The following GRID2 variants were observed in gnomAD, a reference collection of about 807,000 sequenced individuals.
GRID2 encodes glutamate receptor ionotropic, delta-2.
Under a neutral mutation model 114.8 loss-of-function variants are expected in GRID2, and 33 were observed. That is an observed-to-expected ratio of 0.29 (90% CI 0.22 to 0.38). The LOEUF (loss-of-function observed/expected upper bound fraction) is 0.38. Among genes scored for constraint, GRID2 ranks in the 10% least tolerant of loss-of-function variants. GRID2 has a pLI of 1.00. For missense variants in GRID2, 1,184 were observed against 1,257.7 expected, an observed-to-expected ratio of 0.94 and a Z score of 0.89; for synonymous variants, 505 against 449.9, an observed-to-expected ratio of 1.12 and a Z score of -1.55.
chr4:93,033,618 G>A (rs571961709), intron 2 of GRID2, among the ~76,000 whole-genome samples: 1 of 152,062 alleles, frequency 6.6e-6, no homozygotes, highest in South Asian at 2.1e-4. Context: ...TGGTCTTTCT[G>A]GCATGGTCAA....
chr4:93,450,190 A>G (rs572368470), intron 10 of GRID2, among the ~76,000 whole-genome samples: 1 of 151,988 alleles, frequency 6.6e-6, no homozygotes, highest in African/African-American at 2.4e-5. Flanking sequence ...AGAAAATCAT[A>G]TCTTTGGAAA....
chr4:92,986,687 C>T (rs1293010001), intron 2 of GRID2, among the ~76,000 whole-genome samples: 1 of 152,068 alleles, frequency 6.6e-6, no homozygotes, highest in South Asian at 2.1e-4. Context: ...TGCAACTTTC[C>T]TGTAAGTCTA....
chr4:93,361,050 C>G (rs1761836099), intron 8 of GRID2, among the ~76,000 whole-genome samples: 3 of 151,860 alleles, frequency 2.0e-5, no homozygotes, highest in African/African-American at 7.2e-5. Flanking sequence ...CATTGCTATA[C>G]TGGCTTCTTT....
At chr4:92,638,810 A>C (rs561314577) in intron 2 of GRID2, among the ~76,000 whole-genome samples, 1 of 150,952 alleles carries the variant, frequency 6.6e-6, no homozygotes, top group African/African-American at 2.4e-5. Flanking sequence ...GTCTTTGAAA[A>C]TTTAATATTT....
intron 13 of GRID2, among the ~76,000 whole-genome samples, chr4:93,610,814 T>A (rs1416465629): frequency 8.6e-6 from 1 of 116,314 alleles, no homozygotes; most frequent in Non-Finnish European, 1.7e-5. Flanking sequence ...GGTATCAGAA[T>A]GATGCTGGCC....
chr4:93,311,147 A>C (rs892499511), intron 8 of GRID2, among the ~76,000 whole-genome samples: 2 of 152,198 alleles, frequency 1.3e-5, no homozygotes, highest in Non-Finnish European at 2.9e-5. Flanking sequence ...AAAGCCAGAC[A>C]CAAGAATCAA....
intron 2 of GRID2, among the ~76,000 whole-genome samples, chr4:93,076,918 C>T (rs1729379024): frequency 1.3e-5 from 2 of 152,020 alleles, no homozygotes; most frequent in African/African-American, 4.8e-5. Context: ...AGGATTTTTG[C>T]CTAAGATCCC....
At chr4:93,584,634 TTTAACATAAGCTC>T (rs1737353637) in intron 13 of GRID2, among the ~76,000 whole-genome samples, 2 of 152,124 alleles carry the variant, frequency 1.3e-5, no homozygotes, top group African/African-American at 4.8e-5. Flanking sequence ...AGAAATGGAA[TTTAACATAAGCTC>T]TTAATATAAG....
intron 1 of GRID2, among the ~76,000 whole-genome samples, chr4:92,555,990 T>C (rs1726831532): frequency 6.6e-6 from 1 of 152,140 alleles, no homozygotes; most frequent in Non-Finnish European, 1.5e-5. Flanking sequence ...GAATAATTTA[T>C]GTTCTTTGGC....
At chr4:93,345,639 GT>G (rs1347204275) in intron 8 of GRID2, among the ~76,000 whole-genome samples, 1 of 151,806 alleles carries the variant, frequency 6.6e-6, no homozygotes, top group Non-Finnish European at 1.5e-5. Context: ...AAGCTTTTTG[GT>G]TTGATGTAAT....
chr4:92,836,076 G>C (rs748088925), intron 2 of GRID2, among the ~76,000 whole-genome samples: 1 of 152,044 alleles, frequency 6.6e-6, no homozygotes, highest in Admixed American at 6.6e-5. Context: ...TCTTCTTTTT[G>C]TAAATAGCTT....
At chr4:93,632,237 A>G (rs1720975504) in intron 14 of GRID2, among the ~76,000 whole-genome samples, 1 of 152,060 alleles carries the variant, frequency 6.6e-6, no homozygotes, top group African/African-American at 2.4e-5. Context: ...CCCATTTGTC[A>G]GTTTTGGCTT....
Position 93,009,376 on chromosome 4 carries a change from AGATAGAAG to A in GRID2, c.245-75615_245-75608del, listed in dbSNP as rs551099490. Among the ~76,000 whole-genome samples the A allele has an allele frequency of 1.4e-4, 21 of 152,266 alleles. No homozygotes were observed. The South Asian group carries it at 4.1e-3, about 30-fold the overall frequency. On this transcript the variant is annotated intron_variant, in intron 2 of 15. Coordinates refer to ENST00000282020, the MANE Select transcript of GRID2 (RefSeq NM_001510.4). ...AATAATCAGGGTCTGGTGAGAGGAT[AGATAGAAG>A]GATGCTCAACACCAACCTCACCATC... is the stretch of plus-strand genomic sequence containing the variant.
intron 10 of GRID2, among the ~76,000 whole-genome samples, chr4:93,426,692 A>T (rs1768878457): frequency 6.6e-6 from 1 of 152,128 alleles, no homozygotes; most frequent in Admixed American, 6.5e-5. Context: ...CACAAGAAAT[A>T]GAATGTTCTT....
At chr4:92,508,838 G>A (rs1724103867) in intron 1 of GRID2, among the ~76,000 whole-genome samples, 1 of 151,882 alleles carries the variant, frequency 6.6e-6, no homozygotes, top group South Asian at 2.1e-4. Context: ...AGAACAGTTA[G>A]GAGGCTAATA....
intron 4 of GRID2, among the ~76,000 whole-genome samples, chr4:93,161,726 A>G (rs1198958034): frequency 2.6e-5 from 4 of 151,788 alleles, no homozygotes; most frequent in Admixed American, 2.6e-4. Flanking sequence ...ATCATCTCCA[A>G]TTCCAGTTTG....
At chr4:93,791,492 T>C (rs1230235073) in intron 1 of GRID2, among the ~76,000 whole-genome samples, 2 of 152,140 alleles carry the variant, frequency 1.3e-5, no homozygotes, top group Non-Finnish European at 2.9e-5. Flanking sequence ...CTCTTCAGAC[T>C]AAAAACGGTC....
At chr4:93,217,805 A>G (rs1029249437) in intron 6 of GRID2, among the ~76,000 whole-genome samples, 32 of 152,262 alleles carry the variant, frequency 2.1e-4, no homozygotes, top group Admixed American at 1.8e-3. Context: ...ATATAAGTTA[A>G]TATTTAAACA....
chr4:93,194,997 T>A (rs1741346910), intron 4 of GRID2, among the ~76,000 whole-genome samples: 1 of 152,206 alleles, frequency 6.6e-6, no homozygotes, highest in South Asian at 2.1e-4. Flanking sequence ...CTTAAGGGTA[T>A]ATTACAAGAA....
Sources: gnomAD v4.1 joint callset for allele counts (sites outside exome capture counted in the v4.1 genomes callset) on GRCh38, gnomAD v4.1.1 for gene constraint, MANE v1.5 for transcripts, NCBI Gene and HGNC (gene_info 2026-07-23, HGNC 2026-07-21) for gene names.